CAPN2: variants seen among roughly 807,000 people sequenced by gnomAD.
CAPN2 encodes the protein calpain 2, also known as calpain-2 catalytic subunit.
A neutral mutation model predicts 102.3 loss-of-function variants in CAPN2; 92 were observed. The ratio of observed to expected loss-of-function variants is 0.90; its 90% CI spans 0.76 to 1.07. The LOEUF is 1.07. CAPN2 is among the 50% of genes least tolerant of loss of function. CAPN2 has a pLI of 0.00. For missense variants in CAPN2, 800 were observed against 909.4 expected, an observed-to-expected ratio of 0.88 and a Z score of 1.55; for synonymous variants, 340 against 355.4, an observed-to-expected ratio of 0.96 and a Z score of 0.49.
rs1342912742 is a variant in CAPN2, at chr1:223,771,884, A to G, written c.1979A>G (p.Asp660Gly). ...FADDQLIIDF[D>G]NFVRCLVRLE... ...GATGACCAGCTCATCATCGATTTTG[A>G]TAATTTTGTTCGGTGTTTGGTTCGG... is the stretch of plus-strand genomic sequence containing the variant. Residue 660 changes from aspartate to glycine, a missense_variant, in exon 19 of 21, where the codon GAT becomes GGT. By Grantham distance (94) the Asp-to-Gly change is moderately conservative (BLOSUM62 -1). Coordinates refer to ENST00000295006, the MANE Select transcript of CAPN2 (RefSeq NM_001748.5). The G allele has an allele frequency of 1.2e-6, 2 of 1,613,990 alleles. No homozygotes were observed. Among genetic ancestry groups the G allele is most frequent in the African/African-American group, 1.3e-5 (1 of 74,910 alleles).
intron 2 of CAPN2, among the ~76,000 whole-genome samples, chr1:223,723,759 A>G (rs1349175933): frequency 2.0e-5 from 3 of 151,788 alleles, no homozygotes; most frequent in Non-Finnish European, 2.9e-5. Context: ...TGGCCATGGT[A>G]CCCACGGTCT....
chr1:223,735,524 T>C (rs1431583351), intron 2 of CAPN2, among the ~76,000 whole-genome samples: 1 of 128,144 alleles, frequency 7.8e-6, no homozygotes, highest in African/African-American at 3.4e-5. Flanking sequence ...TGAGACTCTA[T>C]CTAAAAAAAA....
intron 2 of CAPN2, among the ~76,000 whole-genome samples, chr1:223,740,410 G>A (rs765905728): frequency 3.9e-5 from 6 of 152,164 alleles, no homozygotes; most frequent in Admixed American, 1.3e-4. Flanking sequence ...AACCTGACGC[G>A]TCCACCCTAC....
rs1284677525 is a variant in CAPN2, at chr1:223,725,889, C to T, written c.307+8058C>T. 2.0e-5 allele frequency among the ~76,000 whole-genome samples: 3 copies of T among 152,206 alleles called. No individual in the cohort carries two copies. The highest frequency in any genetic ancestry group is 7.2e-5 in the African/African-American group (3 of 41,452). On this transcript the variant is annotated intron_variant, in intron 2 of 20. Transcript: ENST00000295006. The surrounding 1 kb of genome is among the most constrained non-coding windows in gnomAD (Gnocchi z 4.1). ...CACTCACCCATCTGCGAAATGGGAACAATGACGATGTTTGCGTCCTTTCTT... is the reference window on the plus strand; with the variant it reads ...CACTCACCCATCTGCGAAATGGGAATAATGACGATGTTTGCGTCCTTTCTT...
chr1:223,702,899 G>T (rs1206678612), intron 1 of CAPN2, among the ~76,000 whole-genome samples: 1 of 152,178 alleles, frequency 6.6e-6, no homozygotes, highest in Non-Finnish European at 1.5e-5. Flanking sequence ...ACCAGGAGAA[G>T]GAGGGGTCCA....
In CAPN2 at chr1:223,770,456, C is replaced by G. The variant is rs745412257; in HGVS notation, c.1834C>G (p.Arg612Gly). ...AACTTATGTGTTCCAGAAAATTTAC[C>G]GAGAAATCGACGTTGACAGGTCTGG... ...TKIQKYQKIY[R>G]EIDVDRSGTM... is the part of the protein sequence containing the mutation. Residue 612 changes from arginine to glycine, a missense_variant, in exon 18 of 21, where the codon CGA becomes GGA. Arg to Gly is a moderately radical substitution (Grantham distance 125). Coordinates refer to ENST00000295006, the MANE Select transcript of CAPN2 (RefSeq NM_001748.5). 1.2e-6 allele frequency: 2 copies of G among 1,612,812 alleles called. No individual in the cohort carries two copies. Among genetic ancestry groups the G allele is most frequent in the Admixed American group, 1.7e-5 (1 of 59,852 alleles).
Position 223,715,531 on chromosome 1 carries a change from G to A in CAPN2, c.238-2231G>A, listed in dbSNP as rs372590654. 1.8e-4 allele frequency among the ~76,000 whole-genome samples: 28 copies of A among 152,270 alleles called. 1 individual carries two copies. In the South Asian group the frequency reaches 5.8e-3, roughly 32 times the overall value. ...GGAGCAGGTTAGCCTTGCAGCAGGA[G>A]GAGCTGCTCTTCCTCGGAGAGAGGA... On this transcript the variant is annotated intron_variant, in intron 1 of 20. Coordinates refer to ENST00000295006, the MANE Select transcript of CAPN2 (RefSeq NM_001748.5).
chr1:223,774,679 A>AACT (rs1423487375), intron 20 of CAPN2, among the ~76,000 whole-genome samples, 155 bp from the exon 21 acceptor site: 22 of 152,254 alleles, frequency 1.4e-4, no homozygotes, highest in Non-Finnish European at 3.2e-4. Flanking sequence ...TAGACTCTAG[A>AACT]AATCAGGTAA....
chr1:223,771,629 A>C (rs1278722783), intron 18 of CAPN2, 180 bp from the exon 19 acceptor site: 2 of 602,716 alleles, frequency 3.3e-6, no homozygotes, highest in Admixed American at 5.9e-5. Flanking sequence ...GTTCAAAAAC[A>C]AAAGAAACAG....
chr1:223,705,777 T>G (rs1339861253), intron 1 of CAPN2, among the ~76,000 whole-genome samples: 1 of 152,232 alleles, frequency 6.6e-6, no homozygotes, highest in Non-Finnish European at 1.5e-5. Flanking sequence ...CAAGTACTCA[T>G]GTGCCTGTAG....
At chr1:223,722,166 T>A (rs1204643025) in intron 2 of CAPN2, among the ~76,000 whole-genome samples, 12 of 151,846 alleles carry the variant, frequency 7.9e-5, no homozygotes. Flanking sequence ...GAGAAACATA[T>A]GGGGAGAAAA....
At chr1:223,703,089 C>T (rs140025885) in intron 1 of CAPN2, among the ~76,000 whole-genome samples, 2 of 152,162 alleles carry the variant, frequency 1.3e-5, no homozygotes, top group African/African-American at 2.4e-5. Context: ...TTTTCTCCCC[C>T]ATTTGCTCTG....
intron 5 of CAPN2, among the ~76,000 whole-genome samples, chr1:223,748,655 C>G (rs1308291607): frequency 6.6e-6 from 1 of 152,138 alleles, no homozygotes; most frequent in African/African-American, 2.4e-5. Context: ...ATCGAGGACC[C>G]CCTCCGGCCC....
At chr1:223,718,371 G>A (rs1307719393) in intron 2 of CAPN2, among the ~76,000 whole-genome samples, 3 of 152,212 alleles carry the variant, frequency 2.0e-5, no homozygotes, top group Admixed American at 6.5e-5. Context: ...CAGTTGTAAC[G>A]CTCATTTAAG....
chr1:223,735,340 CA>C (rs942986370), intron 2 of CAPN2, among the ~76,000 whole-genome samples: 6 of 151,968 alleles, frequency 3.9e-5, no homozygotes, highest in Non-Finnish European at 7.4e-5. Flanking sequence ...CCAGCTTGGC[CA>C]ACATGGTGAA....
rs1311678111 is a variant in CAPN2 at position 223,770,487 on chromosome 1, T to C, written c.1865T>C (p.Met622Thr). 2 of 1,613,894 alleles carry C rather than the reference T, an allele frequency of 1.2e-6. No homozygotes were observed. The highest frequency in any genetic ancestry group is 2.2e-5 in the South Asian group (2 of 91,048). Residue 622 changes from methionine (M) to threonine (T), a missense_variant, in exon 18 of 21, where the codon ATG (methionine) becomes ACG (threonine). Transcript: ENST00000295006. ...ATCGACGTTGACAGGTCTGGTACCA[T>C]GAATTCCTATGAAATGCGGAAGGCA... ...REIDVDRSGT[M>T]NSYEMRKALE...
Position 223,712,566 on chromosome 1 carries a change from G to A in CAPN2, c.-75G>A, listed in dbSNP as rs1322838868. ...TGGCCGCAGCAGCGCGCCGGGCCCTGGCCGCGCCCCAGCCGAGCGCAGCGC... is the reference window on the plus strand; with the variant it reads ...TGGCCGCAGCAGCGCGCCGGGCCCTAGCCGCGCCCCAGCCGAGCGCAGCGC... On this transcript the variant is annotated 5_prime_UTR_variant, in exon 1 of 21. Transcript: ENST00000295006. 4.4e-6 allele frequency: 6 copies of A among 1,350,952 alleles called. No individual in the cohort carries two copies. In the East Asian group the frequency reaches 1.6e-4, roughly 36 times the overall value. The allele number at this position is 1,350,952 out of a possible 1,614,324, so 83.7% of individuals were successfully genotyped here. A position where few individuals can be genotyped will look rare whatever the true frequency, so the allele number is the denominator to read the frequency against.
At chr1:223,749,348 G>T (rs1660830277) in intron 6 of CAPN2, 1 of 591,050 alleles carries the variant, frequency 1.7e-6, no homozygotes, top group African/African-American at 1.9e-5. Flanking sequence ...CGGCGCCAGG[G>T]GCCCTGGTTT....
Position 223,750,996 on chromosome 1 carries a change from G to T in CAPN2, c.899+21G>T, listed in dbSNP as rs561761519. 6 of 1,546,338 alleles carry T rather than the reference G, an allele frequency of 3.9e-6. No homozygotes were observed. In the Admixed American group the frequency reaches 1.2e-4, roughly 30 times the overall value. On this transcript the variant is annotated intron_variant, in intron 7 of 20. Coordinates refer to ENST00000295006, the MANE Select transcript of CAPN2 (RefSeq NM_001748.5). ...GACAAGTGAGGAGGGCGCAGGCCTC[G>T]GGGCCCCAGGCGGGGGTGCATTGTG...
Sources: allele counts gnomAD v4.1 joint callset (sites outside exome capture counted in the v4.1 genomes callset), GRCh38; gene constraint gnomAD v4.1.1; non-coding constraint Gnocchi (gnomAD v3.1); transcripts MANE v1.5; gene names NCBI Gene and HGNC (gene_info 2026-07-23, HGNC 2026-07-21).